The following CDH3 variants were observed in gnomAD, a reference collection of about 807,000 sequenced individuals.
CDH3 encodes the protein cadherin 3, also known as cadherin-3.
A neutral mutation model predicts 82.0 loss-of-function variants in CDH3; 54 were observed. The observed-to-expected ratio is 0.66, with a 90% CI of 0.53 to 0.83. CDH3 has a LOEUF of 0.83. Among genes scored for constraint, CDH3 ranks in the 40% least tolerant of loss-of-function variants. CDH3 has a pLI of 0.00. For missense variants in CDH3, 1,054 were observed against 1,084.6 expected (o/e 0.97, Z 0.40); for synonymous variants, 446 against 437.9 (o/e 1.02, Z -0.23).
At chr16:68,720,178 C>A (rs9708900) in intron 1 of CDH3, among the ~76,000 whole-genome samples, 3 of 151,260 alleles carry the variant, frequency 2.0e-5, no homozygotes, top group African/African-American at 7.3e-5. Flanking sequence ...CCAAACCAAA[C>A]CAAAACAAAA....
At position 68,695,035 on chromosome 16, in the gene CDH3, C is replaced by T. The variant is rs3785134; in HGVS notation, c.2003-220C>T. The stretch of plus-strand genomic sequence containing the variant: ...CACAGAGGAGGCCAATGTGCCTAGA[C>T]CTTAGTGGGTAGGGGGACTTGGAGG... On this transcript the variant is annotated intron_variant, in intron 13 of 15. Coordinates refer to ENST00000264012, the MANE Select transcript of CDH3 (RefSeq NM_001793.6). Among the ~76,000 whole-genome samples the T allele has an allele frequency of 0.56, 85,715 of 151,964 alleles. 24,470 individuals carry two copies. Among genetic ancestry groups the T allele is most frequent in the Middle Eastern group, 0.62 (183 of 294 alleles).
chr16:68,653,758 C>A (rs1326398571), intron 2 of CDH3, among the ~76,000 whole-genome samples: 1 of 148,316 alleles, frequency 6.7e-6, no homozygotes, highest in African/African-American at 2.5e-5. Context: ...GGCCTGATCT[C>A]GGCTCACTGC....
At chr16:68,692,161 C>G (rs1161799234) in intron 13 of CDH3, among the ~76,000 whole-genome samples, 1 of 152,198 alleles carries the variant, frequency 6.6e-6, no homozygotes, top group Non-Finnish European at 1.5e-5. Flanking sequence ...CTCAGCCTCC[C>G]AAGTTCCTGG....
chr16:68,671,898 G>C (rs1960892178), intron 2 of CDH3, among the ~76,000 whole-genome samples: 2 of 152,096 alleles, frequency 1.3e-5, no homozygotes, highest in Admixed American at 6.6e-5. Context: ...CCAGTGGTTA[G>C]GACTTCAACA....
the CDH3 span, among the ~76,000 whole-genome samples, chr16:68,733,378 A>G: frequency 5.3e-5 from 8 of 152,112 alleles, no homozygotes; most frequent in African/African-American, 1.4e-4. Flanking sequence ...TCACCTCCCA[A>G]CTAGCCTCCC....
chr16:68,680,890 G>T (rs905183869), intron 7 of CDH3, 78 bp from the exon 8 acceptor site: 5 of 1,520,958 alleles, frequency 3.3e-6, no homozygotes, highest in Admixed American at 3.3e-5. Flanking sequence ...ACACCCATGA[G>T]CCAGTGCTTC....
intron 15 of CDH3, chr16:68,696,357 G>A: frequency 6.3e-6 from 2 of 316,654 alleles, no homozygotes; most frequent in Non-Finnish European, 1.2e-5. Flanking sequence ...GGCAGAGGTT[G>A]CAGTGAGCCG....
chr16:68,668,785 G>A (rs1377326784), intron 2 of CDH3, among the ~76,000 whole-genome samples: 2 of 152,064 alleles, frequency 1.3e-5, no homozygotes, highest in South Asian at 2.1e-4. Context: ...ATTTTTCGAT[G>A]GTATACATAG....
At chr16:68,723,022 G>T (rs1355224293) in intron 2 of CDH3, among the ~76,000 whole-genome samples, 1 of 147,948 alleles carries the variant, frequency 6.8e-6, no homozygotes. Context: ...TTGAAATCCT[G>T]ACCTCAGGTG....
chr16:68,713,652 C>T (rs28453378), intron 1 of CDH3, among the ~76,000 whole-genome samples: 5,054 of 152,164 alleles, frequency 0.033, 275 homozygotes, highest in African/African-American at 0.11. Flanking sequence ...TAAACACTTC[C>T]GTTCTGTTCC....
chr16:68,647,094 C>T (rs1024181047), intron 2 of CDH3, among the ~76,000 whole-genome samples: 3 of 152,210 alleles, frequency 2.0e-5, no homozygotes, highest in African/African-American at 2.4e-5. Flanking sequence ...GAAGCCATGC[C>T]TCATAAACTT....
At chr16:68,701,951 G>A (rs1204175883), downstream of CDH3, among the ~76,000 whole-genome samples, 2 of 151,962 alleles carry the variant, frequency 1.3e-5, no homozygotes, top group Non-Finnish European at 2.9e-5. Flanking sequence ...TTGAACCCGG[G>A]AGGCGGAGGT....
At chr16:68,718,698 A>G (rs976422137) in intron 1 of CDH3, among the ~76,000 whole-genome samples, 6 of 152,102 alleles carry the variant, frequency 3.9e-5, no homozygotes, top group African/African-American at 1.4e-4. Flanking sequence ...ATAAAAATAA[A>G]AAAGGAAAAC....
At chr16:68,709,441 G>C (rs751317742) in intron 1 of CDH3, among the ~76,000 whole-genome samples, 7 of 152,098 alleles carry the variant, frequency 4.6e-5, no homozygotes, top group Non-Finnish European at 7.4e-5. Context: ...CCGGAGAAGG[G>C]TTCATGGAGG....
chr16:68,691,993 C>T, intron 13 of CDH3, 67 bp downstream of exon 13: 1 of 1,324,018 alleles, frequency 7.6e-7, no homozygotes, highest in Non-Finnish European at 1.1e-6. Context: ...CTACCTTGAG[C>T]TTTAACTCCT....
intron 2 of CDH3, among the ~76,000 whole-genome samples, chr16:68,670,879 C>T (rs544389413): frequency 8.5e-4 from 129 of 152,154 alleles, no homozygotes; most frequent in Non-Finnish European, 1.6e-3. Context: ...TCGAGACCAC[C>T]CTGGCCAACA....
At chr16:68,733,725 G>A in the CDH3 span, among the ~76,000 whole-genome samples, 1 of 152,168 alleles carries the variant, frequency 6.6e-6, no homozygotes, top group Non-Finnish European at 1.5e-5. Context: ...CGGGGCAACA[G>A]AGCAAGACCT....
rs142306800 is a variant in CDH3, at chr16:68,724,018, G to A, written c.*45+1402G>A. Among the ~76,000 whole-genome samples, 1,139 of 146,972 alleles carry A rather than the reference G, an allele frequency of 7.7e-3. 13 individuals carry two copies. Among genetic ancestry groups the A allele is most frequent in the African/African-American group, 0.027 (1,043 of 39,228 alleles). On this transcript the variant is annotated intron_variant, in intron 2 of 2. Coordinates refer to the CDH3 transcript ENST00000569080. ...CGGGAGGCGGAGCTTGCAGTGAGCC[G>A]AGATCGGGCCACTGCACTCCAGCCT...
At chr16:68,678,714 G>A in intron 5 of CDH3, 48 bp from the exon 6 acceptor site, 1 of 1,614,134 alleles carries the variant, frequency 6.2e-7, no homozygotes, top group East Asian at 2.2e-5. Context: ...TCCTAGGCCT[G>A]GTGAGGTGGG....
Sources: allele counts gnomAD v4.1 joint callset (sites outside exome capture counted in the v4.1 genomes callset), GRCh38; gene constraint gnomAD v4.1.1; transcripts MANE v1.5; gene names NCBI Gene and HGNC (gene_info 2026-07-23, HGNC 2026-07-21).